The following MGRN1 variants were observed in gnomAD, a reference collection of about 807,000 sequenced individuals.
MGRN1 encodes the protein E3 ubiquitin-protein ligase MGRN1.
A neutral mutation model predicts 69.2 loss-of-function variants in MGRN1; 29 were observed. The ratio of observed to expected loss-of-function variants is 0.42; its 90% CI spans 0.31 to 0.57. MGRN1 has a LOEUF of 0.57. MGRN1 is among the 20% of genes least tolerant of loss of function. The pLI is 0.15. For synonymous variants in MGRN1, 470 were observed against 344.2 expected (o/e 1.37, Z -4.04); for missense variants, 998 against 796.2 (o/e 1.25, Z -3.05).
In MGRN1 at chr16:4,689,091, C is replaced by G; in HGVS notation, c.*183C>G. On this transcript the variant is annotated 3_prime_UTR_variant, in exon 17 of 17. Transcript: ENST00000262370. ...ACTGTCCCTTCTGAGTCTCCCTTTT[C>G]TACAGTTGATATATTTGTAACTGGT... The G allele has an allele frequency of 2.6e-6, 2 of 762,460 alleles. No homozygotes were observed. The highest frequency in any genetic ancestry group is 3.9e-6 in the Non-Finnish European group (2 of 506,450). 47.2% of individuals were successfully genotyped at this position (762,460 alleles called of 1,614,324 possible).
intron 13 of MGRN1, among the ~76,000 whole-genome samples, chr16:4,682,560 C>T (rs562362966): frequency 4.1e-4 from 62 of 152,044 alleles, no homozygotes; most frequent in African/African-American, 1.5e-3. Context: ...GGTTTCTCTT[C>T]TCCTTCTAGA....
At position 4,624,944 on chromosome 16, in the gene MGRN1, C is replaced by T. The variant is rs1897588709; in HGVS notation, c.-17C>T. On this transcript the variant is annotated 5_prime_UTR_variant, in exon 1 of 17. Coordinates refer to ENST00000262370, the MANE Select transcript of MGRN1 (RefSeq NM_015246.4). ...CCGTTCCGGCCCTGGCCCCTCTGCC[C>T]GGCAGCGCCGCGCACCATGGGCTCC... is the stretch of plus-strand genomic sequence containing the variant. 12 of 1,529,614 alleles carry T rather than the reference C, an allele frequency of 7.8e-6. No individual in the cohort carries two copies. Among genetic ancestry groups the T allele is most frequent in the Admixed American group, 2.0e-5 (1 of 48,792 alleles). 94.8% of individuals were successfully genotyped at this position (1,529,614 alleles called of 1,614,324 possible). A position where few individuals can be genotyped will look rare whatever the true frequency, so the allele number is the denominator to read the frequency against.
intron 9 of MGRN1, among the ~76,000 whole-genome samples, chr16:4,673,187 G>C (rs1253952747): frequency 1.3e-5 from 2 of 152,138 alleles, no homozygotes; most frequent in African/African-American, 4.8e-5. Context: ...CTGACCCTCA[G>C]GAAGATGTGT....
intron 1 of MGRN1, among the ~76,000 whole-genome samples, chr16:4,646,061 G>C (rs564189903): frequency 3.9e-5 from 6 of 152,278 alleles, no homozygotes; most frequent in Admixed American, 2.6e-4. Flanking sequence ...AGCACAGTGA[G>C]CACTTCCTAC....
At chr16:4,629,494 A>C (rs1288325589) in intron 1 of MGRN1, among the ~76,000 whole-genome samples, 3 of 152,120 alleles carry the variant, frequency 2.0e-5, no homozygotes, top group Non-Finnish European at 4.4e-5. Flanking sequence ...TAATCCCAGC[A>C]CTTTGGGAGG....
chr16:4,634,192 GC>G (rs961589622), intron 1 of MGRN1: 2 of 152,332 alleles, frequency 1.3e-5, no homozygotes, highest in Admixed American at 6.5e-5. Context: ...CCCTGGCTGA[GC>G]CCTGGGGGTC....
At chr16:4,686,186 C>T in intron 16 of MGRN1, 1 of 1,518,414 alleles carries the variant, frequency 6.6e-7, no homozygotes, top group South Asian at 1.2e-5. Flanking sequence ...AGCTGGTGCC[C>T]TTGCTGTGGC....
chr16:4,683,280 C>A lies in MGRN1; in HGVS notation c.1528+11C>A. On this transcript the variant is annotated intron_variant, in intron 15 of 16. Transcript: ENST00000262370. ...CGTCACCACAGCAAGGTGAGCGCCT[C>A]CTTCCATGGGCACAAACCGCATGCA... 1 of 1,613,648 alleles carries A rather than the reference C, an allele frequency of 6.2e-7. No individual in the cohort carries two copies. Among genetic ancestry groups the A allele is most frequent in the Non-Finnish European group, 8.5e-7 (1 of 1,179,948 alleles).
chr16:4,625,913 C>T (rs147604510), intron 1 of MGRN1, among the ~76,000 whole-genome samples: 95 of 152,320 alleles, frequency 6.2e-4, no homozygotes, highest in Middle Eastern at 6.8e-3. Flanking sequence ...GTCCTCAGAT[C>T]CTGGCGTCTC....
At chr16:4,679,074 A>G (rs1031141903) in intron 11 of MGRN1, among the ~76,000 whole-genome samples, 3 of 152,110 alleles carry the variant, frequency 2.0e-5, no homozygotes, top group Non-Finnish European at 4.4e-5. Flanking sequence ...GGCCCCTACC[A>G]TCGTGGGGCT....
At position 4,625,065 on chromosome 16, in the gene MGRN1, A is replaced by AG. The variant is rs747170725; in HGVS notation, c.88+19dup. The AG allele has an allele frequency of 6.5e-7, 1 of 1,529,058 alleles. No homozygotes were observed. Among genetic ancestry groups the AG allele is most frequent in the Non-Finnish European group, 8.8e-7 (1 of 1,140,472 alleles). The allele number at this position is 1,529,058 out of a possible 1,614,324, so 94.7% of individuals were successfully genotyped here. ...CGAAGTCCGGTGAGCGCCCGGCCCC[A>AG]GGCGCGGACTGCTAGGCACGCGCTG... On this transcript the variant is annotated intron_variant, in intron 1 of 16. Coordinates refer to ENST00000262370, the MANE Select transcript of MGRN1 (RefSeq NM_015246.4).
Position 4,688,794 on chromosome 16 carries a change from A to G in MGRN1, c.1619-2A>G, listed in dbSNP as rs1461748868. The G allele has an allele frequency of 5.2e-6, 8 of 1,543,746 alleles. No individual in the cohort carries two copies. Among genetic ancestry groups the G allele is most frequent in the Non-Finnish European group, 6.1e-6 (7 of 1,141,486 alleles). Reference sequence around the variant, plus strand: ...CCCTCCTCCCTCTGCTCCCACCTGCAGGACGGCCCACCTCCATGGAGACGG... The same window carrying G: ...CCCTCCTCCCTCTGCTCCCACCTGCGGGACGGCCCACCTCCATGGAGACGG... On this transcript the variant is annotated splice_acceptor_variant, in intron 16 of 16. Transcript: ENST00000262370. LOFTEE classifies it high-confidence loss of function.
At chr16:4,669,498 G>T (rs949995429) in intron 8 of MGRN1, among the ~76,000 whole-genome samples, 2 of 148,086 alleles carry the variant, frequency 1.4e-5, no homozygotes, top group Non-Finnish European at 3.0e-5. Flanking sequence ...GCTCTGGGAC[G>T]ACGGGTCCCT....
rs534953858 is a variant in MGRN1, at chr16:4,686,694, C to A, written c.1619-2102C>A. 9.8e-5 allele frequency: 101 copies of A among 1,035,042 alleles called. No individual in the cohort carries two copies. In the African/African-American group the frequency reaches 1.5e-3, roughly 15 times the overall value. The allele number at this position is 1,035,042 out of a possible 1,614,324, so 64.1% of individuals were successfully genotyped here. A position where few individuals can be genotyped will look rare whatever the true frequency, so the allele number is the denominator to read the frequency against. On this transcript the variant is annotated intron_variant, in intron 16 of 16. Coordinates refer to ENST00000262370, the MANE Select transcript of MGRN1 (RefSeq NM_015246.4). Reference sequence around the variant, plus strand: ...ATGAGGGCAGCACCGTGGAGGGAACCCCAGGGAGACATGGGGTGAGCGTCC... The same window carrying A: ...ATGAGGGCAGCACCGTGGAGGGAACACCAGGGAGACATGGGGTGAGCGTCC...
At chr16:4,660,734 G>A (rs2141909887) in intron 5 of MGRN1, among the ~76,000 whole-genome samples, 1 of 152,276 alleles carries the variant, frequency 6.6e-6, no homozygotes, top group East Asian at 1.9e-4. Context: ...AGCAGTGTGG[G>A]AGCGTTGCCA....
intron 1 of MGRN1, among the ~76,000 whole-genome samples, chr16:4,632,106 G>C (rs841177): frequency 0.26 from 37,220 of 141,510 alleles, 5,647 homozygotes; most frequent in African/African-American, 0.44. Flanking sequence ...CCTCTGCCTC[G>C]CAGGTTCAAG....
chr16:4,678,563 T>C (rs1039349655), intron 11 of MGRN1, among the ~76,000 whole-genome samples: 14 of 148,346 alleles, frequency 9.4e-5, no homozygotes, highest in Non-Finnish European at 1.9e-4. Flanking sequence ...AGAGACAGGG[T>C]GAGAGAGATG....
intron 5 of MGRN1, among the ~76,000 whole-genome samples, chr16:4,660,308 A>C (rs1261732042): frequency 1.3e-5 from 2 of 152,208 alleles, no homozygotes; most frequent in Non-Finnish European, 2.9e-5. Context: ...GGTGGCCACG[A>C]GGGGTCCGTG....
At chr16:4,629,848 C>T (rs1897905500) in intron 1 of MGRN1, among the ~76,000 whole-genome samples, 1 of 151,826 alleles carries the variant, frequency 6.6e-6, no homozygotes, top group South Asian at 2.1e-4. Flanking sequence ...GAGTTCGAGA[C>T]CAGCCTGGCC....
Sources: allele counts gnomAD v4.1 joint callset (sites outside exome capture counted in the v4.1 genomes callset), GRCh38; gene constraint gnomAD v4.1.1; transcripts MANE v1.5; gene names NCBI Gene and HGNC (gene_info 2026-07-23, HGNC 2026-07-21).